Variants in NKAIN1 observed in about 807,000 individuals in gnomAD.
NKAIN1 encodes the protein sodium/potassium transporting ATPase interacting 1, also known as sodium/potassium-transporting ATPase subunit beta-1-interacting protein 1.
NKAIN1 carries 13 observed loss-of-function variants against 31.6 expected under a neutral mutation model. The ratio of observed to expected loss-of-function variants is 0.41; its 90% CI spans 0.27 to 0.65. NKAIN1 has a LOEUF of 0.65. Ranked by LOEUF, NKAIN1 falls within the 30% of genes least tolerant of loss-of-function variation. The pLI, the probability that NKAIN1 is intolerant of heterozygous loss-of-function variation, is 0.30. For missense variants in NKAIN1, 193 were observed against 262.2 expected, an observed-to-expected ratio of 0.74 and a Z score of 1.82; for synonymous variants, 104 against 109.0, an observed-to-expected ratio of 0.95 and a Z score of 0.28.
chr1:31,188,219 C>A (rs1178727334), intron 1 of NKAIN1, 32 bp from the exon 2 acceptor site: 8 of 1,547,406 alleles, frequency 5.2e-6, no homozygotes, highest in East Asian at 2.4e-5. Context: ...GCCACTGTCA[C>A]CCCCCTGAAA....
intron 1 of NKAIN1, among the ~76,000 whole-genome samples, chr1:31,197,642 G>A (rs934996626): frequency 1.4e-5 from 2 of 146,710 alleles, no homozygotes; most frequent in Admixed American, 7.1e-5. Context: ...TATCTCCCGG[G>A]TTCAAGCGAT....
chr1:31,188,203 G>T lies in NKAIN1; in HGVS notation c.55-16C>A. On this transcript the variant is annotated splice_polypyrimidine_tract_variant and intron_variant, in intron 1 of 6. Transcript: ENST00000373736. Reference sequence around the variant, plus strand: ...GCGCAGCCACCTGTGGAAGAGACAGGCTGAGGCCACTGTCACCCCCCTGAA... The same window carrying T: ...GCGCAGCCACCTGTGGAAGAGACAGTCTGAGGCCACTGTCACCCCCCTGAA... 1 of 1,550,494 alleles carries T rather than the reference G, an allele frequency of 6.4e-7. No homozygotes were observed. The highest frequency in any genetic ancestry group is 8.7e-7 in the Non-Finnish European group (1 of 1,146,310).
At chr1:31,223,875 C>T (rs1237195870) in intron 1 of NKAIN1, among the ~76,000 whole-genome samples, 2 of 152,166 alleles carry the variant, frequency 1.3e-5, no homozygotes, top group Non-Finnish European at 2.9e-5. Flanking sequence ...ATCTGCTGAA[C>T]GAATGTTTTC....
At chr1:31,184,770 G>A (rs950058012) in intron 3 of NKAIN1, among the ~76,000 whole-genome samples, 3 of 152,158 alleles carry the variant, frequency 2.0e-5, no homozygotes, top group Non-Finnish European at 4.4e-5. Context: ...TTATTCAAGC[G>A]AAACAGTCCT....
chr1:31,220,433 G>A (rs542185092), intron 1 of NKAIN1, among the ~76,000 whole-genome samples: 5 of 151,952 alleles, frequency 3.3e-5, no homozygotes, highest in East Asian at 3.9e-4. Flanking sequence ...CCATACTACC[G>A]TATCCCCAGC....
At chr1:31,215,905 T>C (rs1557659197) in intron 1 of NKAIN1, among the ~76,000 whole-genome samples, 3 of 152,230 alleles carry the variant, frequency 2.0e-5, no homozygotes, top group African/African-American at 2.4e-5. Flanking sequence ...CCAGCACTTT[T>C]TGTGCCCCAT....
Position 31,200,372 on chromosome 1 carries a change from G to C in NKAIN1, c.55-12185C>G, listed in dbSNP as rs543901558. Among the ~76,000 whole-genome samples, 4 of 152,040 alleles carry C rather than the reference G, an allele frequency of 2.6e-5. No individual in the cohort carries two copies. In the East Asian group the frequency reaches 7.7e-4, roughly 29 times the overall value. On this transcript the variant is annotated intron_variant, in intron 1 of 6. Transcript: ENST00000373736. ...AGATGTTATTTCTAGGGAGTGGGGA[G>C]ATGGGGAGACTTTGAATCTTAACTA...
rs1170494084 is a variant in NKAIN1 at position 31,181,538 on chromosome 1, T to C, written c.*165A>G. On this transcript the variant is annotated 3_prime_UTR_variant, in exon 7 of 7. Coordinates refer to ENST00000373736, the MANE Select transcript of NKAIN1 (RefSeq NM_024522.3). The stretch of plus-strand genomic sequence containing the variant: ...AGCCAAGCTCAAATCCAAGTCCAAG[T>C]CCAAGTCCACGTCCAAGTCCGCATC... 9 of 587,842 alleles carry C rather than the reference T, an allele frequency of 1.5e-5. No homozygotes were observed. The highest frequency in any genetic ancestry group is 2.1e-5 in the Non-Finnish European group (8 of 380,224). The allele number at this position is 587,842 out of a possible 1,614,324, so 36.4% of individuals were successfully genotyped here. A position where few individuals can be genotyped will look rare whatever the true frequency, so the allele number is the denominator to read the frequency against.
At chr1:31,215,256 G>A (rs1343630407) in intron 1 of NKAIN1, among the ~76,000 whole-genome samples, 2 of 152,150 alleles carry the variant, frequency 1.3e-5, no homozygotes, top group Non-Finnish European at 2.9e-5. Context: ...TGGGTGTCAG[G>A]AGCCCCTTGG....
intron 1 of NKAIN1, among the ~76,000 whole-genome samples, chr1:31,202,342 A>G (rs1645386741): frequency 6.6e-6 from 1 of 152,184 alleles, no homozygotes; most frequent in Admixed American, 6.5e-5. Flanking sequence ...TCCTGGGCCA[A>G]ACGGCCCAGG....
intron 1 of NKAIN1, among the ~76,000 whole-genome samples, chr1:31,200,822 C>A (rs560769000): frequency 6.6e-6 from 1 of 150,588 alleles, no homozygotes; most frequent in East Asian, 2.0e-4. Context: ...ATGTATTCGT[C>A]TTATAAACAT....
intron 1 of NKAIN1, among the ~76,000 whole-genome samples, chr1:31,216,690 T>TTTTATCTATCTATTTA (rs369336386): frequency 7.1e-6 from 1 of 140,490 alleles, no homozygotes. Flanking sequence ...TGGCATTGAC[T>TTTTATCTATCTATTTA]TTTATTTATT....
chr1:31,194,563 T>G (rs1645309468), intron 1 of NKAIN1, among the ~76,000 whole-genome samples: 1 of 150,964 alleles, frequency 6.6e-6, no homozygotes, highest in South Asian at 2.1e-4. Context: ...TGTGCCTCCA[T>G]GCCCTGCCAA....
chr1:31,195,755 C>A (rs1253484356), intron 1 of NKAIN1, among the ~76,000 whole-genome samples: 1 of 151,714 alleles, frequency 6.6e-6, no homozygotes, highest in Non-Finnish European at 1.5e-5. Context: ...AAAGCCCCAC[C>A]TCTACAAAAA....
intron 1 of NKAIN1, among the ~76,000 whole-genome samples, chr1:31,192,516 G>T (rs556194790): frequency 1.3e-5 from 2 of 152,222 alleles, no homozygotes; most frequent in South Asian, 4.1e-4. Context: ...CCTGGAAAAG[G>T]CCGTCTCTTC....
intron 1 of NKAIN1, among the ~76,000 whole-genome samples, chr1:31,234,475 G>C (rs941655365): frequency 1.4e-5 from 2 of 143,724 alleles, no homozygotes; most frequent in Non-Finnish European, 3.0e-5. Flanking sequence ...AGAAAGCAAA[G>C]AGCTTTCTAG....
At chr1:31,229,924 C>G (rs542783629) in intron 1 of NKAIN1, among the ~76,000 whole-genome samples, 1 of 152,338 alleles carries the variant, frequency 6.6e-6, no homozygotes, top group East Asian at 1.9e-4. Flanking sequence ...ACGCCTTCAT[C>G]TTGGAACCCC....
chr1:31,231,745 T>C (rs569353327), intron 1 of NKAIN1, among the ~76,000 whole-genome samples: 1 of 150,756 alleles, frequency 6.6e-6, no homozygotes, highest in Admixed American at 6.6e-5. Flanking sequence ...TTAGCCAGGA[T>C]GGTCTCGATC....
Position 31,220,733 on chromosome 1 carries a change from G to C in NKAIN1, c.54+18761C>G, listed in dbSNP as rs193126045. Among the ~76,000 whole-genome samples, 294 of 117,254 alleles carry C rather than the reference G, an allele frequency of 2.5e-3. 1 individual carries two copies. The highest frequency in any genetic ancestry group is 9.9e-3 in the African/African-American group (282 of 28,586). 76.9% of individuals were successfully genotyped at this position (117,254 alleles called of 152,430 possible). A position where few individuals can be genotyped will look rare whatever the true frequency, so the allele number is the denominator to read the frequency against. On this transcript the variant is annotated intron_variant, in intron 1 of 6. Coordinates refer to ENST00000373736, the MANE Select transcript of NKAIN1 (RefSeq NM_024522.3). ...TAGTGCCACTGCACTCCAGCCTGGCGACAGAGTAAGACTCCATCTCCAAAA... is the reference window on the plus strand; with the variant it reads ...TAGTGCCACTGCACTCCAGCCTGGCCACAGAGTAAGACTCCATCTCCAAAA...
Sources: gnomAD v4.1 joint callset for allele counts (sites outside exome capture counted in the v4.1 genomes callset) on GRCh38, gnomAD v4.1.1 for gene constraint, MANE v1.5 for transcripts, NCBI Gene and HGNC (gene_info 2026-07-23, HGNC 2026-07-21) for gene names.